The following KAZN variants were observed in gnomAD, a reference collection of about 807,000 sequenced individuals.
KAZN encodes kazrin.
Under a neutral mutation model 87.4 loss-of-function variants are expected in KAZN, and 40 were observed. The ratio of observed to expected loss-of-function variants is 0.46; its 90% CI spans 0.36 to 0.60. The LOEUF is 0.60. Ranked by LOEUF, KAZN falls within the 20% of genes least tolerant of loss-of-function variation. The pLI, the probability that KAZN is intolerant of heterozygous loss-of-function variation, is 0.00. For missense variants in KAZN, 898 were observed against 1,073.9 expected (o/e 0.84, Z 2.29); for synonymous variants, 466 against 458.3 (o/e 1.02, Z -0.22).
chr1:13,956,695 G>C (rs1277598870), intron 1 of KAZN, among the ~76,000 whole-genome samples: 1 of 152,020 alleles, frequency 6.6e-6, no homozygotes, highest in Non-Finnish European at 1.5e-5. Context: ...CTTGGAGCAT[G>C]ATATGCACCC....
chr1:14,277,495 C>A (rs1236770619), intron 2 of KAZN, among the ~76,000 whole-genome samples: 1 of 151,946 alleles, frequency 6.6e-6, no homozygotes, highest in Non-Finnish European at 1.5e-5. Context: ...GAAACTGCAT[C>A]TCTACTAAAA....
At position 14,769,286 on chromosome 1, in the gene KAZN, G is replaced by GTTA. The variant is rs1644962099; in HGVS notation, c.226+170066_226+170068dup. Reference sequence around the variant, plus strand: ...ACCCCCATCTGAATTGCAGAACCACGTTATTGGCTTTTGGAAAGTCCCCTG... The same window carrying GTTA: ...ACCCCCATCTGAATTGCAGAACCACGTTATTATTGGCTTTTGGAAAGTCCCCTG... On this transcript the variant is annotated intron_variant, in intron 1 of 14. Transcript: ENST00000376030. This position sits in a 1 kb window ranked among gnomAD's most constrained non-coding sequence, Gnocchi z 4.1. 6.6e-6 allele frequency among the ~76,000 whole-genome samples: 1 copy of GTTA among 152,154 alleles called. No homozygotes were observed.
intron 2 of KAZN, among the ~76,000 whole-genome samples, chr1:14,341,848 G>A (rs1457897484): frequency 1.3e-5 from 2 of 152,088 alleles, no homozygotes; most frequent in African/African-American, 4.8e-5. Context: ...TTTATTTTGT[G>A]TTCAGGGGTA....
chr1:14,506,728 G>A (rs1670603114), intron 2 of KAZN, among the ~76,000 whole-genome samples: 1 of 152,134 alleles, frequency 6.6e-6, no homozygotes, highest in African/African-American at 2.4e-5. Flanking sequence ...GTCAAACACG[G>A]TGCCAGGGAC....
rs543734657 is a variant in KAZN, at chr1:14,865,279, G to A, written c.227-95405G>A. Among the ~76,000 whole-genome samples, 13 of 152,276 alleles carry A rather than the reference G, an allele frequency of 8.5e-5. No homozygotes were observed. In the East Asian group the frequency reaches 1.7e-3, roughly 20 times the overall value. The stretch of plus-strand genomic sequence containing the variant: ...CTCCTCCCCAGTATGAAAATAGATC[G>A]CCCTGGGACTGGAGTAGTTAATGAA... On this transcript the variant is annotated intron_variant, in intron 1 of 14. Transcript: ENST00000376030.
chr1:14,378,198 C>A (rs3888224), intron 2 of KAZN, among the ~76,000 whole-genome samples: 134,100 of 152,240 alleles, frequency 0.88, 59,218 homozygotes, highest in Middle Eastern at 0.93. Context: ...TTCAGCAAGA[C>A]CTGATAGATT....
At chr1:14,095,585 G>A (rs906457476) in intron 1 of KAZN, among the ~76,000 whole-genome samples, 1 of 152,080 alleles carries the variant, frequency 6.6e-6, no homozygotes, top group Non-Finnish European at 1.5e-5. Context: ...AAATGGCAGG[G>A]GGCTGGAATC....
intron 1 of KAZN, among the ~76,000 whole-genome samples, chr1:14,756,306 C>T (rs552916577): frequency 6.6e-6 from 1 of 152,318 alleles, no homozygotes; most frequent in Admixed American, 6.5e-5. Context: ...GATTTCCTTC[C>T]ATCTAATGGA....
chr1:14,782,554 CAA>C (rs71572122), intron 1 of KAZN, among the ~76,000 whole-genome samples: 11,786 of 66,146 alleles, frequency 0.18, 293 homozygotes, highest in East Asian at 0.44. Context: ...CCTCAAAGAG[CAA>C]AAAAAAAAAA....
intron 2 of KAZN, among the ~76,000 whole-genome samples, chr1:14,201,843 T>G (rs967445361): frequency 3.3e-5 from 5 of 152,180 alleles, no homozygotes; most frequent in African/African-American, 7.2e-5. Flanking sequence ...TAATTTTGTA[T>G]TTTTAGTAGA....
At chr1:14,700,909 GTTC>G (rs1368505998) in intron 1 of KAZN, among the ~76,000 whole-genome samples, 1 of 152,132 alleles carries the variant, frequency 6.6e-6, no homozygotes, top group African/African-American at 2.4e-5. Context: ...TTCTTGGATG[GTTC>G]TTGTCTCCTG....
intron 1 of KAZN, among the ~76,000 whole-genome samples, chr1:14,693,640 G>C (rs1421624826): frequency 6.6e-6 from 1 of 152,174 alleles, no homozygotes; most frequent in Non-Finnish European, 1.5e-5. Flanking sequence ...TGTGGGATGA[G>C]TGTGTGTTGT....
At chr1:14,704,808 A>G (rs1200929565) in intron 1 of KAZN, among the ~76,000 whole-genome samples, 1 of 152,204 alleles carries the variant, frequency 6.6e-6, no homozygotes, top group African/African-American at 2.4e-5. Context: ...GAGGAGAGTG[A>G]GGTCAAGTTA....
chr1:13,946,090 C>A (rs973577376), intron 1 of KAZN, among the ~76,000 whole-genome samples: 2 of 152,206 alleles, frequency 1.3e-5, no homozygotes, highest in African/African-American at 4.8e-5. Flanking sequence ...TTTAAATAAA[C>A]CCAGAGTTAG....
chr1:13,898,510 C>CAATTAGA (rs1430733757), intron 1 of KAZN, among the ~76,000 whole-genome samples: 2 of 152,206 alleles, frequency 1.3e-5, no homozygotes, highest in Non-Finnish European at 2.9e-5. Context: ...ACCCAAACAA[C>CAATTAGA]TAAAGTCATT....
In KAZN at chr1:14,898,379, T is replaced by C. The variant is rs549672195; in HGVS notation, c.227-62305T>C. Among the ~76,000 whole-genome samples the C allele has an allele frequency of 7.9e-5, 12 of 152,288 alleles. No individual in the cohort carries two copies. The East Asian group carries it at 2.1e-3, about 27-fold the overall frequency. On this transcript the variant is annotated intron_variant, in intron 1 of 14. Coordinates refer to ENST00000376030, the MANE Select transcript of KAZN (RefSeq NM_201628.3). ...GCTCCTCAGAAGAGCAGAAATGTGG[T>C]CCTTTCTCAGGAGTGGCTGTGTGGC... is the stretch of plus-strand genomic sequence containing the variant.
At chr1:15,091,755 C>T (rs1231462259) in intron 8 of KAZN, among the ~76,000 whole-genome samples, 1 of 152,138 alleles carries the variant, frequency 6.6e-6, no homozygotes, top group Non-Finnish European at 1.5e-5. Context: ...TTCAAACAAA[C>T]TCTCATCAAT....
intron 1 of KAZN, among the ~76,000 whole-genome samples, chr1:14,017,306 T>A (rs562131956): frequency 7.6e-4 from 116 of 152,316 alleles, no homozygotes; most frequent in African/African-American, 2.7e-3. Context: ...CAAATCTGTG[T>A]CCATAAACAT....
At chr1:14,107,702 T>G (rs1644408268) in intron 1 of KAZN, among the ~76,000 whole-genome samples, 1 of 152,098 alleles carries the variant, frequency 6.6e-6, no homozygotes, top group African/African-American at 2.4e-5. Context: ...TGAGATAGGG[T>G]GGGCGGAAGC....
Sources: allele counts gnomAD v4.1 joint callset (sites outside exome capture counted in the v4.1 genomes callset), GRCh38; gene constraint gnomAD v4.1.1; non-coding constraint Gnocchi (gnomAD v3.1); transcripts MANE v1.5; gene names NCBI Gene and HGNC (gene_info 2026-07-23, HGNC 2026-07-21).